FSTL5: variants seen among roughly 807,000 people sequenced by gnomAD.
FSTL5 encodes follistatin like 5, also known as follistatin-related protein 5.
In FSTL5, 62 loss-of-function variants were observed where a neutral mutation model predicts 89.1. The observed-to-expected ratio is 0.70, with a 90% CI of 0.57 to 0.86. The LOEUF (loss-of-function observed/expected upper bound fraction) is 0.86. FSTL5 is among the 40% of genes least tolerant of loss of function. The pLI is 0.00. For missense variants in FSTL5, 1,057 were observed against 1,001.6 expected, an observed-to-expected ratio of 1.06 and a Z score of -0.75; for synonymous variants, 383 against 346.2, an observed-to-expected ratio of 1.11 and a Z score of -1.18.
chr4:161,548,691 T>C (rs1271255099), intron 8 of FSTL5, among the ~76,000 whole-genome samples: 3 of 151,834 alleles, frequency 2.0e-5, no homozygotes, highest in Non-Finnish European at 4.4e-5. Flanking sequence ...TCAGTAAATA[T>C]ACATGTATCA....
chr4:161,474,543 T>C (rs1448707119), intron 13 of FSTL5, among the ~76,000 whole-genome samples: 1 of 100,152 alleles, frequency 1.0e-5, no homozygotes, highest in South Asian at 3.1e-4. Flanking sequence ...TATTGTGTAG[T>C]GGTTTTTTTT....
At chr4:161,974,320 C>A (rs1456979673) in intron 3 of FSTL5, among the ~76,000 whole-genome samples, 5 of 151,960 alleles carry the variant, frequency 3.3e-5, no homozygotes, top group African/African-American at 7.3e-5. Flanking sequence ...AAGAACAAAG[C>A]TGGAGGCATC....
chr4:161,424,437 GGAAC>G (rs1732102271), intron 15 of FSTL5, among the ~76,000 whole-genome samples: 1 of 149,236 alleles, frequency 6.7e-6, no homozygotes, highest in Non-Finnish European at 1.5e-5. Context: ...TATTTTTTGA[GGAAC>G]AGGAAAAGAA....
chr4:161,675,106 T>C (rs1737257609), intron 6 of FSTL5, among the ~76,000 whole-genome samples: 1 of 152,146 alleles, frequency 6.6e-6, no homozygotes, highest in Admixed American at 6.6e-5. Context: ...ACCAGATAGG[T>C]ATGACTCTAA....
chr4:161,816,685 G>A (rs1169947780), intron 4 of FSTL5, among the ~76,000 whole-genome samples: 1 of 152,094 alleles, frequency 6.6e-6, no homozygotes, highest in African/African-American at 2.4e-5. Flanking sequence ...TACAATTTTA[G>A]AAATTAAAAA....
At chr4:161,899,934 C>A (rs926317832) in intron 4 of FSTL5, among the ~76,000 whole-genome samples, 1 of 152,150 alleles carries the variant, frequency 6.6e-6, no homozygotes, top group Non-Finnish European at 1.5e-5. Context: ...GTGGCTCACT[C>A]CTGTAATACC....
chr4:161,880,191 A>T (rs1362082839), intron 4 of FSTL5, among the ~76,000 whole-genome samples: 1 of 152,090 alleles, frequency 6.6e-6, no homozygotes, highest in Non-Finnish European at 1.5e-5. Context: ...CTGCATGCAA[A>T]TTTTAAATAT....
chr4:161,568,919 A>C (rs991250400), intron 8 of FSTL5, among the ~76,000 whole-genome samples: 1 of 152,200 alleles, frequency 6.6e-6, no homozygotes, highest in Non-Finnish European at 1.5e-5. Context: ...GTCTTTAGTT[A>C]TATAGAAGGA....
intron 15 of FSTL5, among the ~76,000 whole-genome samples, chr4:161,390,116 T>C (rs1179780526): frequency 6.6e-6 from 1 of 152,116 alleles, no homozygotes; most frequent in Non-Finnish European, 1.5e-5. Flanking sequence ...ATAAAGACAG[T>C]CTAGCTCACT....
chr4:161,475,950 C>A (rs1358517703), intron 13 of FSTL5, among the ~76,000 whole-genome samples: 1 of 151,604 alleles, frequency 6.6e-6, no homozygotes, highest in Non-Finnish European at 1.5e-5. Context: ...AGACGGGGTT[C>A]CACCGTGTTA....
intron 6 of FSTL5, among the ~76,000 whole-genome samples, chr4:161,740,361 T>G (rs1739974730): frequency 6.6e-6 from 1 of 152,114 alleles, no homozygotes; most frequent in Non-Finnish European, 1.5e-5. Flanking sequence ...ATTGACAATA[T>G]TCTAATTGTT....
At chr4:161,388,868 G>A (rs1479961549) in intron 15 of FSTL5, among the ~76,000 whole-genome samples, 1 of 151,982 alleles carries the variant, frequency 6.6e-6, no homozygotes, top group African/African-American at 2.4e-5. Context: ...TGATACTACC[G>A]AATGTACTCA....
intron 12 of FSTL5, among the ~76,000 whole-genome samples, chr4:161,489,162 T>A (rs1321558892): frequency 6.6e-6 from 1 of 152,040 alleles, no homozygotes; most frequent in East Asian, 1.9e-4. Flanking sequence ...TTACAGAACA[T>A]AAAAACCAAA....
chr4:161,678,295 A>G (rs1049472546), intron 6 of FSTL5, among the ~76,000 whole-genome samples: 1 of 151,824 alleles, frequency 6.6e-6, no homozygotes, highest in African/African-American at 2.4e-5. Flanking sequence ...AAACAATTAA[A>G]TTAATTAAAG....
intron 4 of FSTL5, among the ~76,000 whole-genome samples, chr4:161,788,741 T>TTAAAAAATTAGC (rs1742007316): frequency 6.6e-6 from 1 of 151,986 alleles, no homozygotes; most frequent in Non-Finnish European, 1.5e-5. Flanking sequence ...AAATAATATT[T>TTAAAAAATTAGC]TAAAAAATTA....
intron 7 of FSTL5, among the ~76,000 whole-genome samples, chr4:161,623,212 G>C (rs1735204636): frequency 6.6e-6 from 1 of 151,862 alleles, no homozygotes; most frequent in East Asian, 1.9e-4. Context: ...AGATATGTAA[G>C]AAAAGAAAAG....
chr4:162,101,679 AC>A (rs1731002888), intron 2 of FSTL5, among the ~76,000 whole-genome samples: 1 of 152,208 alleles, frequency 6.6e-6, no homozygotes, highest in African/African-American at 2.4e-5. Context: ...AATAAGTAAT[AC>A]TGGATACAAA....
At chr4:161,592,959 T>C (rs1733879763) in intron 7 of FSTL5, among the ~76,000 whole-genome samples, 1 of 152,174 alleles carries the variant, frequency 6.6e-6, no homozygotes, top group African/African-American at 2.4e-5. Context: ...AAATTTTAAA[T>C]ATACTTTACT....
intron 15 of FSTL5, among the ~76,000 whole-genome samples, chr4:161,438,762 T>C (rs1356069828): frequency 1.3e-5 from 2 of 152,128 alleles, no homozygotes; most frequent in Non-Finnish European, 2.9e-5. Flanking sequence ...ATGATTAATT[T>C]TTTTACAAAC....
Sources: gnomAD v4.1 joint callset for allele counts (sites outside exome capture counted in the v4.1 genomes callset) on GRCh38, gnomAD v4.1.1 for gene constraint, MANE v1.5 for transcripts, NCBI Gene and HGNC (gene_info 2026-07-23, HGNC 2026-07-21) for gene names.